The following CHODL variants were observed in gnomAD, a reference collection of about 807,000 sequenced individuals.
CHODL encodes the protein chondrolectin, also known as transmembrane protein MT75.
In CHODL, 29 loss-of-function variants were observed where a neutral mutation model predicts 34.5. That is an observed-to-expected ratio of 0.84 (90% confidence interval 0.63 to 1.15). CHODL has a LOEUF of 1.15. CHODL is among the 50% of genes most tolerant of loss of function. The pLI is 0.00. For missense variants in CHODL, 332 were observed against 332.5 expected, an observed-to-expected ratio of 1.00 and a Z score of 0.01; for synonymous variants, 125 against 116.1, an observed-to-expected ratio of 1.08 and a Z score of -0.49.
At chr21:18,159,176 A>G (rs962292043) in intron 2 of CHODL, among the ~76,000 whole-genome samples, 1 of 152,232 alleles carries the variant, frequency 6.6e-6, no homozygotes, top group Non-Finnish European at 1.5e-5. Context: ...CACACAATGC[A>G]ATGCACAGGA....
intron 2 of CHODL, among the ~76,000 whole-genome samples, chr21:18,127,269 G>A (rs989188252): frequency 6.6e-6 from 1 of 152,102 alleles, no homozygotes; most frequent in Admixed American, 6.5e-5. Flanking sequence ...CCACTGAATT[G>A]TGTGGCTTTT....
intron 2 of CHODL, among the ~76,000 whole-genome samples, chr21:18,164,463 GT>G (rs1001509212): frequency 1.3e-5 from 2 of 152,050 alleles, no homozygotes; most frequent in African/African-American, 4.8e-5. Flanking sequence ...GTCAACTTCA[GT>G]TTTTTTTATT....
At chr21:18,049,935 C>T (rs1038949144) in intron 2 of CHODL, among the ~76,000 whole-genome samples, 1 of 151,988 alleles carries the variant, frequency 6.6e-6, no homozygotes, top group East Asian at 1.9e-4. Flanking sequence ...TTCTCTTAGT[C>T]ATCAGCACTG....
intron 2 of CHODL, 45 bp from the exon 3 acceptor site, chr21:18,256,925 T>C: frequency 6.3e-7 from 1 of 1,593,112 alleles, no homozygotes; most frequent in Non-Finnish European, 8.6e-7. Context: ...GCAGAATCAT[T>C]TAGTAGGCAT....
chr21:18,090,776 T>C (rs1342079200), intron 2 of CHODL, among the ~76,000 whole-genome samples: 1 of 143,218 alleles, frequency 7.0e-6, no homozygotes, highest in Non-Finnish European at 1.5e-5. Context: ...ATTAAAGCTA[T>C]AGGGGCACAG....
chr21:18,184,814 C>G (rs942892006), intron 2 of CHODL, among the ~76,000 whole-genome samples: 13 of 152,118 alleles, frequency 8.5e-5, no homozygotes, highest in African/African-American at 2.9e-4. Flanking sequence ...TATACAGATT[C>G]CCTAGGCACA....
rs377289861 is a variant in CHODL, at chr21:18,205,856, C to T, written c.-44-50653C>T. On this transcript the variant is annotated intron_variant, in intron 2 of 6. Coordinates refer to the CHODL transcript ENST00000400127. The stretch of plus-strand genomic sequence containing the variant: ...CGTTCAAGTGATTCTTCTGCCTCAA[C>T]GTCCCATGTAGCTTGGATTACAGGA... 2.7e-4 allele frequency among the ~76,000 whole-genome samples: 41 copies of T among 151,906 alleles called. No homozygotes were observed. In the East Asian group the frequency reaches 2.9e-3, roughly 11 times the overall value.
At chr21:18,245,435 G>T in intron 1 of CHODL, 133 bp downstream of exon 1, 1 of 673,264 alleles carries the variant, frequency 1.5e-6, no homozygotes, top group South Asian at 2.0e-5. Flanking sequence ...GGGAGGAGGC[G>T]GGGAGAAATT....
At position 18,156,114 on chromosome 21, in the gene CHODL, C is replaced by T. The variant is rs117922114; in HGVS notation, c.-44-100395C>T. 2.3e-3 allele frequency among the ~76,000 whole-genome samples: 350 copies of T among 152,194 alleles called. 4 individuals carry two copies. The East Asian group carries it at 0.035, about 15-fold the overall frequency. ...CTTGGACGTGGGTAGAAAGGAAAATCAAAGTGACTTGCCCTACCTGGGATA... is the reference window on the plus strand; with the variant it reads ...CTTGGACGTGGGTAGAAAGGAAAATTAAAGTGACTTGCCCTACCTGGGATA... On this transcript the variant is annotated intron_variant, in intron 2 of 6. Transcript: ENST00000400127.
At chr21:18,112,750 A>T (rs183330583) in intron 2 of CHODL, among the ~76,000 whole-genome samples, 122 of 152,328 alleles carry the variant, frequency 8.0e-4, no homozygotes, top group African/African-American at 2.8e-3. Context: ...CTCTCACCAT[A>T]TACAAAAATC....
chr21:17,982,262 T>A (rs2063719781), intron 1 of CHODL, among the ~76,000 whole-genome samples: 2 of 152,234 alleles, frequency 1.3e-5, no homozygotes, highest in African/African-American at 4.8e-5. Flanking sequence ...TTGTGATTGG[T>A]GAAATCATCC....
chr21:18,042,287 A>T (rs916078060), intron 2 of CHODL, among the ~76,000 whole-genome samples: 13 of 151,236 alleles, frequency 8.6e-5, no homozygotes, highest in Non-Finnish European at 1.5e-4. Flanking sequence ...CCTTCTCCCC[A>T]CCCCCTTCTG....
At chr21:18,089,000 A>G (rs773865540) in intron 2 of CHODL, among the ~76,000 whole-genome samples, 6 of 152,166 alleles carry the variant, frequency 3.9e-5, no homozygotes, top group Non-Finnish European at 8.8e-5. Flanking sequence ...ATCCCATCTC[A>G]TGTGCATTCA....
At chr21:18,258,812 G>A (rs2074347844) in intron 3 of CHODL, among the ~76,000 whole-genome samples, 2 of 151,860 alleles carry the variant, frequency 1.3e-5, no homozygotes, top group African/African-American at 2.4e-5. Context: ...CCCTCCTTGA[G>A]CTTAGTGTCT....
intron 1 of CHODL, among the ~76,000 whole-genome samples, chr21:17,980,430 G>A (rs866485221): frequency 9.2e-5 from 14 of 152,244 alleles, no homozygotes; most frequent in African/African-American, 3.1e-4. Flanking sequence ...AATTCCTGCT[G>A]TGGTCATTTG....
At chr21:18,198,108 T>C (rs904273419) in intron 2 of CHODL, among the ~76,000 whole-genome samples, 1 of 152,186 alleles carries the variant, frequency 6.6e-6, no homozygotes, top group East Asian at 1.9e-4. Flanking sequence ...GCACAGACAA[T>C]TGAAAGCACA....
intron 2 of CHODL, among the ~76,000 whole-genome samples, chr21:18,204,682 G>A (rs2073693172): frequency 6.6e-6 from 1 of 152,086 alleles, no homozygotes; most frequent in Admixed American, 6.5e-5. Context: ...ACCCACTGTA[G>A]TTTCTTACTT....
At chr21:18,107,935 A>G (rs2146555737) in intron 2 of CHODL, among the ~76,000 whole-genome samples, 1 of 152,326 alleles carries the variant, frequency 6.6e-6, no homozygotes, top group South Asian at 2.1e-4. Context: ...GGAAAAGATG[A>G]CCTTTGCATA....
chr21:18,108,531 ACT>A (rs1489109177), intron 2 of CHODL, among the ~76,000 whole-genome samples: 1 of 152,108 alleles, frequency 6.6e-6, no homozygotes, highest in Non-Finnish European at 1.5e-5. Context: ...GTTAGTGTTG[ACT>A]CTAATGACTG....
Sources: allele counts gnomAD v4.1 joint callset (sites outside exome capture counted in the v4.1 genomes callset), GRCh38; gene constraint gnomAD v4.1.1; transcripts MANE v1.5; gene names NCBI Gene and HGNC (gene_info 2026-07-23, HGNC 2026-07-21).